AK4: variants seen among roughly 807,000 people sequenced by gnomAD.
AK4 encodes the protein adenylate kinase 4, mitochondrial.
AK4 carries 13 observed loss-of-function variants against 24.6 expected under a neutral mutation model. The observed-to-expected ratio is 0.53, with a 90% CI of 0.34 to 0.84. The LOEUF (loss-of-function observed/expected upper bound fraction) is 0.84, where lower values mean the gene tolerates loss of function less well. AK4 is among the 40% of genes least tolerant of loss of function. The pLI, the probability that AK4 is intolerant of heterozygous loss-of-function variation, is 0.01. For missense variants in AK4, 192 were observed against 288.2 expected (o/e 0.67, Z 2.42); for synonymous variants, 88 against 107.0 (o/e 0.82, Z 1.10).
intron 2 of AK4, among the ~76,000 whole-genome samples, chr1:65,209,413 A>G (rs532289090): frequency 5.9e-5 from 9 of 152,226 alleles, no homozygotes; most frequent in Non-Finnish European, 1.0e-4. Flanking sequence ...GTAAAAGCAT[A>G]CTTCAACTTG....
chr1:65,168,785 T>C (rs1650416210), intron 1 of AK4, among the ~76,000 whole-genome samples: 1 of 152,204 alleles, frequency 6.6e-6, no homozygotes, highest in South Asian at 2.1e-4. Context: ...TCCTTTGAGT[T>C]GGGCCAGAGA....
At chr1:65,177,938 T>TA (rs1650771189) in intron 1 of AK4, among the ~76,000 whole-genome samples, 2 of 121,226 alleles carry the variant, frequency 1.6e-5, no homozygotes, top group South Asian at 4.8e-4. Flanking sequence ...AAGATAGCAT[T>TA]TAAAAAAAAA....
chr1:65,177,923 A>G (rs1326885950), intron 1 of AK4, among the ~76,000 whole-genome samples: 4 of 144,096 alleles, frequency 2.8e-5, no homozygotes, highest in Non-Finnish European at 6.0e-5. Flanking sequence ...AAAGAATCAG[A>G]CTATAAGATA....
rs745970024 is a variant in AK4, at chr1:65,190,789, C to T, written c.225C>T (p.Ser75=). The T allele has an allele frequency of 1.6e-5, 26 of 1,613,902 alleles. No homozygotes were observed. Among genetic ancestry groups the T allele is most frequent in the East Asian group, 6.7e-5 (3 of 44,896 alleles). ...ATGTGATCACACGCCTAATGATGTC[C>T]GAGTTGGAGAACAGGCGTGGCCAGC... ...PDHVITRLMM[S]ELENRRGQHW... The change falls in exon 2 of 5, where the codon TCC becomes TCT. Residue 75 remains serine (S), a synonymous_variant. Coordinates refer to ENST00000327299, the MANE Select transcript of AK4 (RefSeq NM_013410.4).
At chr1:65,151,040 G>A (rs921564485) in intron 1 of AK4, among the ~76,000 whole-genome samples, 1 of 151,892 alleles carries the variant, frequency 6.6e-6, no homozygotes, top group Admixed American at 6.6e-5. Flanking sequence ...TGCAACCTCT[G>A]CCTCCCGGGT....
chr1:65,215,898 C>T lies in AK4; in HGVS notation c.266-2856C>T, dbSNP rs368726450. Among the ~76,000 whole-genome samples the T allele has an allele frequency of 1.2e-4, 19 of 152,122 alleles. No individual in the cohort carries two copies. The East Asian group carries it at 1.5e-3, about 12-fold the overall frequency. On this transcript the variant is annotated intron_variant, in intron 2 of 4. Transcript: ENST00000327299. ...CCTGTTCTTTTCTTTTCTAGTGCTTCCCCCGCTCCCAGCTCTCAACCTCTA... is the reference window on the plus strand; with the variant it reads ...CCTGTTCTTTTCTTTTCTAGTGCTTTCCCCGCTCCCAGCTCTCAACCTCTA...
intron 3 of AK4, among the ~76,000 whole-genome samples, chr1:65,224,494 T>A (rs972537427): frequency 6.6e-6 from 1 of 152,188 alleles, no homozygotes; most frequent in Non-Finnish European, 1.5e-5. Flanking sequence ...GTACCATTTA[T>A]CAACAGCACT....
At chr1:65,200,227 C>T (rs1651622086) in intron 2 of AK4, among the ~76,000 whole-genome samples, 1 of 152,148 alleles carries the variant, frequency 6.6e-6, no homozygotes, top group Admixed American at 6.5e-5. Context: ...GATTCTCCTG[C>T]TTCAGCCTCC....
intron 2 of AK4, among the ~76,000 whole-genome samples, chr1:65,216,319 C>T (rs145162848): frequency 3.0e-4 from 46 of 152,024 alleles, no homozygotes; most frequent in African/African-American, 1.1e-3. Context: ...TTTTAGTAGA[C>T]ATGGAGTTTT....
chr1:65,158,668 A>AT lies in AK4; in HGVS notation c.145+10126dup, dbSNP rs200520746. 7.1e-4 allele frequency among the ~76,000 whole-genome samples: 107 copies of AT among 149,854 alleles called. No individual in the cohort carries two copies. In the East Asian group the frequency reaches 0.017, roughly 24 times the overall value. ...GGCTCCTGCCACCATGACCTGCTAA[A>AT]TTTTTTTTTTGCATTTTTAGTGGAG... On this transcript the variant is annotated intron_variant, in intron 1 of 4. Coordinates refer to ENST00000327299, the MANE Select transcript of AK4 (RefSeq NM_013410.4).
intron 2 of AK4, among the ~76,000 whole-genome samples, chr1:65,204,288 C>T (rs1221401620): frequency 6.6e-6 from 1 of 151,714 alleles, no homozygotes; most frequent in Non-Finnish European, 1.5e-5. Context: ...GCAACCTCCA[C>T]CTCCTGGGTT....
intron 1 of AK4, among the ~76,000 whole-genome samples, chr1:65,185,932 C>G (rs1651084768): frequency 6.6e-6 from 1 of 151,816 alleles, no homozygotes; most frequent in African/African-American, 2.4e-5. Context: ...ACCATCTTAA[C>G]TCATGATCAC....
chr1:65,154,783 A>G (rs1159897740), intron 1 of AK4: 2 of 194,718 alleles, frequency 1.0e-5, no homozygotes, highest in Non-Finnish European at 2.2e-5. Context: ...CTGGACAGAT[A>G]TACTTTCTCT....
intron 1 of AK4, chr1:65,154,743 G>T: frequency 3.8e-6 from 1 of 264,456 alleles, no homozygotes; most frequent in Non-Finnish European, 7.8e-6. Context: ...AACAAAGAAC[G>T]CTCTTACAAA....
At chr1:65,163,509 G>A (rs1650236547) in intron 1 of AK4, among the ~76,000 whole-genome samples, 1 of 152,234 alleles carries the variant, frequency 6.6e-6, no homozygotes. Flanking sequence ...CAGTGTATGA[G>A]TGGTTGAAGT....
chr1:65,150,285 CTTTTT>C (rs71703627), intron 1 of AK4, among the ~76,000 whole-genome samples: 13,077 of 140,884 alleles, frequency 0.093, 1,655 homozygotes, highest in African/African-American at 0.3. Context: ...CTCTCTCTCT[CTTTTT>C]TTTTTTTAAC....
intron 1 of AK4, among the ~76,000 whole-genome samples, chr1:65,149,319 GAT>G (rs1358762950): frequency 6.6e-6 from 1 of 152,198 alleles, no homozygotes; most frequent in Non-Finnish European, 1.5e-5. Context: ...TGAACTTGGG[GAT>G]ATATAGATCG....
At chr1:65,224,660 A>C in intron 3 of AK4, 92 bp from the exon 4 acceptor site, 1 of 926,570 alleles carries the variant, frequency 1.1e-6, no homozygotes, top group East Asian at 2.4e-5. Flanking sequence ...GTAGGAGTTA[A>C]AGATGAATAC....
chr1:65,167,037 C>T (rs1650355546), intron 1 of AK4, among the ~76,000 whole-genome samples: 1 of 152,148 alleles, frequency 6.6e-6, no homozygotes, highest in South Asian at 2.1e-4. Context: ...AGGGCTGAGG[C>T]AGGAAAATCA....
Sources: gnomAD v4.1 joint callset for allele counts (sites outside exome capture counted in the v4.1 genomes callset) on GRCh38, gnomAD v4.1.1 for gene constraint, MANE v1.5 for transcripts, NCBI Gene and HGNC (gene_info 2026-07-23, HGNC 2026-07-21) for gene names.